MAGI2: variants seen among roughly 807,000 people sequenced by gnomAD.
MAGI2 encodes the protein membrane-associated guanylate kinase, WW and PDZ domain-containing protein 2.
A neutral mutation model predicts 133.3 loss-of-function variants in MAGI2; 35 were observed. The observed-to-expected ratio is 0.26, with a 90% CI of 0.20 to 0.35. MAGI2 has a LOEUF of 0.35. MAGI2 is among the 10% of genes least tolerant of loss of function. The probability of loss-of-function intolerance (pLI) is 1.00; values close to 1 mark genes in which losing one functional copy is unlikely to be tolerated. For synonymous variants in MAGI2, 729 were observed against 710.6 expected (o/e 1.03, Z -0.41); for missense variants, 1,636 against 1,863.4 (o/e 0.88, Z 2.25).
chr7:78,069,393 G>T (rs1321871635), intron 21 of MAGI2, among the ~76,000 whole-genome samples: 1 of 152,094 alleles, frequency 6.6e-6, no homozygotes, highest in African/African-American at 2.4e-5. Flanking sequence ...TCTCCAGAGG[G>T]TATGTGGAGA....
chr7:78,380,974 T>G (rs575338839), intron 6 of MAGI2, among the ~76,000 whole-genome samples: 38 of 152,298 alleles, frequency 2.5e-4, no homozygotes, highest in African/African-American at 8.4e-4. Flanking sequence ...TTGATGGAAA[T>G]GAGCCCCATC....
intron 7 of MAGI2, among the ~76,000 whole-genome samples, chr7:78,349,407 C>A (rs778336113): frequency 6.6e-6 from 1 of 152,116 alleles, no homozygotes; most frequent in African/African-American, 2.4e-5. Flanking sequence ...GGTCATTGTT[C>A]GTCATATGCA....
At position 79,079,648 on chromosome 7, in the gene MAGI2, A is replaced by G. The variant is rs530510430; in HGVS notation, c.302-72442T>C. Among the ~76,000 whole-genome samples the G allele has an allele frequency of 1.2e-4, 18 of 152,300 alleles. No individual in the cohort carries two copies. The South Asian group carries it at 3.7e-3, about 32-fold the overall frequency. ...AGATAGAAATGGTTGAGGTACTCACATATCTAGACATGAAACTAGAAAACC... is the reference window on the plus strand; with the variant it reads ...AGATAGAAATGGTTGAGGTACTCACGTATCTAGACATGAAACTAGAAAACC... On this transcript the variant is annotated intron_variant, in intron 1 of 21. Coordinates refer to ENST00000354212, the MANE Select transcript of MAGI2 (RefSeq NM_012301.4).
intron 1 of MAGI2, among the ~76,000 whole-genome samples, chr7:79,443,353 G>A (rs1185453740): frequency 6.7e-6 from 1 of 149,020 alleles, no homozygotes; most frequent in East Asian, 2.0e-4. Flanking sequence ...CAAATTTGTT[G>A]TTCACTGGGG....
In MAGI2 at chr7:78,057,977, G is replaced by GTGTATATTTATATATATA. The variant is rs762943472; in HGVS notation, c.3706+20969_3706+20970insTATATATATAAATATACA. On this transcript the variant is annotated intron_variant, in intron 21 of 21. Coordinates refer to ENST00000354212, the MANE Select transcript of MAGI2 (RefSeq NM_012301.4). Reference sequence around the variant, plus strand: ...CCCCTCTGGCATTTTATATATATGTGTATATATATATATATATATATATAT... The same window carrying GTGTATATTTATATATATA: ...CCCCTCTGGCATTTTATATATATGTGTGTATATTTATATATATATATATATATATATATATATATATAT... Among the ~76,000 whole-genome samples, 5 of 106,612 alleles carry GTGTATATTTATATATATA rather than the reference G, an allele frequency of 4.7e-5. 1 individual carries two copies. The highest frequency in any genetic ancestry group is 1.7e-4 in the African/African-American group (5 of 29,762). 69.9% of individuals were successfully genotyped at this position (106,612 alleles called of 152,430 possible).
At chr7:78,561,029 G>C (rs960907279) in intron 3 of MAGI2, among the ~76,000 whole-genome samples, 1 of 152,166 alleles carries the variant, frequency 6.6e-6, no homozygotes. Context: ...GAAAAATAGA[G>C]GAGCAATGTT....
At chr7:78,626,157 G>T (rs929534997) in intron 3 of MAGI2, among the ~76,000 whole-genome samples, 3 of 152,106 alleles carry the variant, frequency 2.0e-5, no homozygotes, top group Non-Finnish European at 4.4e-5. Flanking sequence ...ACTATTAGTT[G>T]CAGGTTAATA....
At chr7:78,837,688 A>G (rs1359023444) in intron 2 of MAGI2, among the ~76,000 whole-genome samples, 2 of 152,178 alleles carry the variant, frequency 1.3e-5, no homozygotes, top group African/African-American at 2.4e-5. Flanking sequence ...TTTTAAATGT[A>G]AAACGCACAC....
chr7:78,825,995 A>T (rs560684323), intron 2 of MAGI2, among the ~76,000 whole-genome samples: 4 of 152,308 alleles, frequency 2.6e-5, no homozygotes, highest in Non-Finnish European at 4.4e-5. Context: ...ATACAATAGA[A>T]TATTATTCAG....
At chr7:78,818,742 T>C (rs1035608029) in intron 2 of MAGI2, among the ~76,000 whole-genome samples, 1 of 152,166 alleles carries the variant, frequency 6.6e-6, no homozygotes, top group Non-Finnish European at 1.5e-5. Flanking sequence ...TGTGACTTTT[T>C]AAAACTCTTT....
intron 3 of MAGI2, among the ~76,000 whole-genome samples, chr7:78,523,634 C>G (rs1483943336): frequency 6.6e-6 from 1 of 152,110 alleles, no homozygotes; most frequent in Non-Finnish European, 1.5e-5. Flanking sequence ...AAGCAAGCCC[C>G]TTCTTCACAA....
intron 9 of MAGI2, among the ~76,000 whole-genome samples, chr7:78,303,269 C>T (rs1218225587): frequency 1.3e-5 from 2 of 150,564 alleles, no homozygotes; most frequent in Non-Finnish European, 2.9e-5. Flanking sequence ...ATCCCAGCTA[C>T]TCAGGAAGTT....
At chr7:79,019,194 T>G (rs1434978703) in intron 1 of MAGI2, among the ~76,000 whole-genome samples, 2 of 152,134 alleles carry the variant, frequency 1.3e-5, no homozygotes, top group Non-Finnish European at 2.9e-5. Context: ...AACCACAATT[T>G]TGGACCATTA....
At chr7:78,138,345 G>A (rs1385740658) in intron 16 of MAGI2, among the ~76,000 whole-genome samples, 1 of 152,144 alleles carries the variant, frequency 6.6e-6, no homozygotes, top group Non-Finnish European at 1.5e-5. Flanking sequence ...AAAGTGGGAG[G>A]AGGAGAGAGA....
chr7:78,787,105 GC>G (rs1490579598), intron 2 of MAGI2, among the ~76,000 whole-genome samples: 1 of 151,998 alleles, frequency 6.6e-6, no homozygotes, highest in African/African-American at 2.4e-5. Flanking sequence ...GCACCACCAG[GC>G]CCAGCTAATT....
intron 6 of MAGI2, among the ~76,000 whole-genome samples, chr7:78,448,496 G>A (rs901625557): frequency 6.6e-6 from 1 of 151,294 alleles, no homozygotes; most frequent in Admixed American, 6.6e-5. Flanking sequence ...ATTACTCTGA[G>A]CAAGAAGTTA....
intron 1 of MAGI2, among the ~76,000 whole-genome samples, chr7:79,364,545 T>C (rs890591664): frequency 6.6e-6 from 1 of 152,038 alleles, no homozygotes; most frequent in African/African-American, 2.4e-5. Context: ...TAAAGCTTGC[T>C]ACATAGCTAG....
At chr7:78,895,404 A>G (rs1797124654) in intron 2 of MAGI2, among the ~76,000 whole-genome samples, 1 of 152,146 alleles carries the variant, frequency 6.6e-6, no homozygotes, top group African/African-American at 2.4e-5. Context: ...CTAAAACAGC[A>G]TCTAACATAT....
chr7:78,125,403 A>G (rs1026859579), intron 20 of MAGI2, among the ~76,000 whole-genome samples: 4 of 152,246 alleles, frequency 2.6e-5, no homozygotes, highest in Admixed American at 1.3e-4. Flanking sequence ...AGAATTATGG[A>G]GAAATAATGT....
Sources: gnomAD v4.1 joint callset for allele counts (sites outside exome capture counted in the v4.1 genomes callset) on GRCh38, gnomAD v4.1.1 for gene constraint, MANE v1.5 for transcripts, NCBI Gene and HGNC (gene_info 2026-07-23, HGNC 2026-07-21) for gene names.